MGAM2: variants seen among roughly 807,000 people sequenced by gnomAD.
MGAM2 encodes probable maltase-glucoamylase 2.
MGAM2 carries 98 observed loss-of-function variants against 96.1 expected under a neutral mutation model. The observed-to-expected ratio is 1.02, with a 90% CI of 0.87 to 1.21. The LOEUF (loss-of-function observed/expected upper bound fraction) is 1.21. Ranked by LOEUF, MGAM2 falls within the 50% of genes most tolerant of loss-of-function variation. The pLI, the probability that MGAM2 is intolerant of heterozygous loss-of-function variation, is 0.00. For synonymous variants in MGAM2, 749 were observed against 414.8 expected, an observed-to-expected ratio of 1.81 and a Z score of -9.79; for missense variants, 2,055 against 1,182.4, an observed-to-expected ratio of 1.74 and a Z score of -10.82.
intron 45 of MGAM2, among the ~76,000 whole-genome samples, chr7:142,205,060 G>C (rs561561011): frequency 2.6e-5 from 4 of 152,074 alleles, no homozygotes; most frequent in Non-Finnish European, 5.9e-5. Flanking sequence ...GGGTTTGCTA[G>C]GTGAGCAAGG....
chr7:142,175,619 G>T (rs946338289), intron 31 of MGAM2, 33 bp from the exon 32 acceptor site: 5 of 700,460 alleles, frequency 7.1e-6, no homozygotes, highest in African/African-American at 7.0e-5. Flanking sequence ...ACCTACTGCA[G>T]GGTTCCAAGA....
At chr7:142,143,596 T>A (rs747696228) in intron 12 of MGAM2, among the ~76,000 whole-genome samples, 173 bp from the exon 13 acceptor site, 1 of 152,202 alleles carries the variant, frequency 6.6e-6, no homozygotes, top group Non-Finnish European at 1.5e-5. Context: ...CCTTTTATTG[T>A]TTTTTCCTCT....
At chr7:142,121,306 G>A (rs763212448) in intron 3 of MGAM2, among the ~76,000 whole-genome samples, 1 of 149,156 alleles carries the variant, frequency 6.7e-6, no homozygotes, top group Non-Finnish European at 1.5e-5. Flanking sequence ...GCCTCCCGAG[G>A]AGCTGGGATT....
At chr7:142,151,114 G>A (rs958323224) in intron 15 of MGAM2, among the ~76,000 whole-genome samples, 4 of 152,080 alleles carry the variant, frequency 2.6e-5, no homozygotes, top group Admixed American at 2.6e-4. Context: ...TTTTCTCTCT[G>A]CTGGACTGTA....
At chr7:142,201,562 A>G (rs949387070) in intron 45 of MGAM2, among the ~76,000 whole-genome samples, 2 of 152,210 alleles carry the variant, frequency 1.3e-5, no homozygotes, top group Non-Finnish European at 2.9e-5. Flanking sequence ...CACTACCACA[A>G]TGAAGATGTG....
chr7:142,210,619 T>C (rs1372746820), intron 46 of MGAM2, among the ~76,000 whole-genome samples: 2 of 152,154 alleles, frequency 1.3e-5, no homozygotes, highest in Non-Finnish European at 2.9e-5. Context: ...AAAGCCGCTG[T>C]AGCAAGACTG....
At chr7:142,123,097 C>A (rs1462529784) in intron 3 of MGAM2, among the ~76,000 whole-genome samples, 1 of 152,112 alleles carries the variant, frequency 6.6e-6, no homozygotes, top group Non-Finnish European at 1.5e-5. Context: ...GCTGGAATTA[C>A]AGGGGTGAGC....
rs2129084653 is a variant in MGAM2, at chr7:142,154,790, T to C, written c.1868T>C (p.Met623Thr). The change falls in exon 17 of 48, where the codon ATG (methionine) becomes ACG (threonine). Residue 623 changes from methionine (M) to threonine (T), a missense_variant. Transcript: ENST00000477922. Reference protein sequence around the residue: ...NVTEELCRRWMQLGAFYPLPR... With the variant: ...NVTEELCRRWTQLGAFYPLPR... ...ACAGAGGAGCTCTGCAGAAGGTGGA[T>C]GCAGCTTGGAGCATTTTATCCACTA... 1.4e-6 allele frequency: 1 copy of C among 703,584 alleles called. No individual in the cohort carries two copies. The highest frequency in any genetic ancestry group is 2.6e-6 in the Non-Finnish European group (1 of 385,128). 43.6% of individuals were successfully genotyped at this position (703,584 alleles called of 1,614,324 possible).
chr7:142,182,998 A>T (rs565631859), intron 32 of MGAM2, among the ~76,000 whole-genome samples: 59 of 152,290 alleles, frequency 3.9e-4, no homozygotes, highest in Admixed American at 1.3e-3. Flanking sequence ...GTTGGCACAG[A>T]TTCTTATACC....
intron 26 of MGAM2, among the ~76,000 whole-genome samples, chr7:142,168,112 A>C (rs1280780979): frequency 1.3e-5 from 2 of 152,120 alleles, no homozygotes; most frequent in Non-Finnish European, 2.9e-5. Context: ...ACTTAATTCT[A>C]ATATTAGAAT....
At chr7:142,219,001 G>A (rs555004933) in intron 47 of MGAM2, among the ~76,000 whole-genome samples, 1 of 152,200 alleles carries the variant, frequency 6.6e-6, no homozygotes, top group East Asian at 1.9e-4. Context: ...GGTAATCTTC[G>A]AATGAATACA....
intron 45 of MGAM2, 177 bp from the exon 46 acceptor site, chr7:142,208,396 C>T: frequency 1.5e-6 from 1 of 658,386 alleles, no homozygotes; most frequent in South Asian, 1.6e-5. Context: ...TGCACATCCC[C>T]ACACTAACAT....
At chr7:142,202,500 A>G (rs961707389) in intron 45 of MGAM2, among the ~76,000 whole-genome samples, 2 of 151,940 alleles carry the variant, frequency 1.3e-5, no homozygotes, top group Admixed American at 6.6e-5. Flanking sequence ...TGCAGTGTCT[A>G]TTGTTCTCGT....
At chr7:142,121,084 A>G (rs1160170515) in intron 3 of MGAM2, among the ~76,000 whole-genome samples, 2 of 152,246 alleles carry the variant, frequency 1.3e-5, no homozygotes, top group Non-Finnish European at 2.9e-5. Context: ...GTTAAAGTTT[A>G]AACAATATTC....
chr7:142,177,096 A>G (rs1167253793), intron 32 of MGAM2, among the ~76,000 whole-genome samples: 1 of 152,140 alleles, frequency 6.6e-6, no homozygotes, highest in East Asian at 1.9e-4. Context: ...TGGAGTATGT[A>G]TTAGTCTGTT....
At position 142,221,760 on chromosome 7, in the gene MGAM2, G is replaced by A. The variant is rs566335528; in HGVS notation, c.7249G>A (p.Asp2417Asn). The change falls in exon 48 of 48, where the codon GAT becomes AAT. Residue 2417 changes from aspartate (D) to asparagine (N), a missense_variant. By Grantham distance (23) the Asp-to-Asn change is conservative. Transcript: ENST00000477922. ...AAATCTTTCTAATCTAGGCACCATG[G>A]ATATTACTGATGCAGATAACTCCAG... The part of the protein sequence containing the change: ...PTNLSNLGTM[D>N]ITDADNSSSV... 2.5e-6 allele frequency: 1 copy of A among 405,582 alleles called. No homozygotes were observed. The highest frequency in any genetic ancestry group is 3.5e-5 in the East Asian group (1 of 28,376). 25.1% of individuals were successfully genotyped at this position (405,582 alleles called of 1,614,324 possible).
rs551063502 is a variant in MGAM2, at chr7:142,140,993, T to C, written c.1219-28T>C. The C allele has an allele frequency of 8.7e-6, 6 of 691,970 alleles. No individual in the cohort carries two copies. The East Asian group carries it at 1.6e-4, about 19-fold the overall frequency. 42.9% of individuals were successfully genotyped at this position (691,970 alleles called of 1,614,324 possible). A position where few individuals can be genotyped will look rare whatever the true frequency, so the allele number is the denominator to read the frequency against. ...TTGTAGTGCAAAAAATTTATGAAAA[T>C]AATATTTATATCGTATTTCTTTATT... is the stretch of plus-strand genomic sequence containing the variant. On this transcript the variant is annotated intron_variant, in intron 11 of 47. Coordinates refer to ENST00000477922, the MANE Select transcript of MGAM2 (RefSeq NM_001293626.2).
intron 7 of MGAM2, among the ~76,000 whole-genome samples, chr7:142,135,962 G>A (rs1795047768): frequency 6.6e-6 from 1 of 151,996 alleles, no homozygotes; most frequent in Admixed American, 6.6e-5. Flanking sequence ...ATACATCATA[G>A]CAAATATGTT....
At chr7:142,137,049 A>G (rs1049515948) in intron 8 of MGAM2, among the ~76,000 whole-genome samples, 4 of 152,166 alleles carry the variant, frequency 2.6e-5, no homozygotes, top group African/African-American at 9.7e-5. Flanking sequence ...CAGCTTCTGG[A>G]TTAATGGTAC....
Sources: gnomAD v4.1 joint callset for allele counts (sites outside exome capture counted in the v4.1 genomes callset) on GRCh38, gnomAD v4.1.1 for gene constraint, MANE v1.5 for transcripts, NCBI Gene and HGNC (gene_info 2026-07-23, HGNC 2026-07-21) for gene names.